SLC9A6: variants seen among roughly 807,000 people sequenced by gnomAD.
SLC9A6 encodes the protein solute carrier family 9 member A6.
Under a neutral mutation model 45.3 loss-of-function variants are expected in SLC9A6, and 6 were observed. The observed-to-expected ratio is 0.13, with a 90% CI of 0.07 to 0.26. SLC9A6 has a LOEUF of 0.26. Among genes scored for constraint, SLC9A6 ranks in the 10% least tolerant of loss-of-function variants. SLC9A6 has a pLI of 1.00. For missense variants in SLC9A6, 278 were observed against 503.7 expected, an observed-to-expected ratio of 0.55 and a Z score of 4.29; for synonymous variants, 191 against 187.7, an observed-to-expected ratio of 1.02 and a Z score of -0.14.
intron 2 of SLC9A6, 124 bp downstream of exon 2, chrX:135,985,951 C>A (rs1368151864): frequency 3.6e-6 from 3 of 826,507 alleles, no homozygotes; most frequent in African/African-American, 4.1e-5. Flanking sequence ...CTTCCATTTT[C>A]TGCCTCGCCT....
Position 136,020,536 on chromosome X carries a change from A to G in SLC9A6, c.1195-2050A>G, listed in dbSNP as rs2071105713. ...CAGGCATGCGCCACCACGCCCGGCTAATTTTTATATTTTCAGTAGAGGCAG... is the reference window on the plus strand; with the variant it reads ...CAGGCATGCGCCACCACGCCCGGCTGATTTTTATATTTTCAGTAGAGGCAG... On this transcript the variant is annotated intron_variant, in intron 11 of 17. Transcript: ENST00000630721. 2.7e-5 allele frequency among the ~76,000 whole-genome samples: 3 copies of G among 110,462 alleles called. No homozygotes were observed. In the South Asian group the frequency reaches 1.1e-3, roughly 42 times the overall value.
intron 1 of SLC9A6, among the ~76,000 whole-genome samples, chrX:135,978,562 G>A (rs2089273011): frequency 9.2e-6 from 1 of 108,644 alleles, no homozygotes; most frequent in Non-Finnish European, 1.9e-5. Flanking sequence ...TGAGCCAAGA[G>A]AATCACTTGA....
At chrX:136,038,447 AT>A (rs782289272) in intron 16 of SLC9A6, among the ~76,000 whole-genome samples, 1 of 111,682 alleles carries the variant, frequency 9.0e-6, no homozygotes, top group South Asian at 3.7e-4. Context: ...ATTTGCTAAT[AT>A]TTTGCATCTG....
upstream of SLC9A6, chrX:135,983,855 G>A (rs1384283610): frequency 9.1e-6 from 1 of 110,340 alleles, no homozygotes; most frequent in Non-Finnish European, 1.9e-5. Flanking sequence ...TCCTCACCTA[G>A]GTTTCTTGCT....
intron 11 of SLC9A6, among the ~76,000 whole-genome samples, chrX:136,018,082 A>T (rs1451531441): frequency 8.9e-6 from 1 of 112,350 alleles, no homozygotes; most frequent in Non-Finnish European, 1.9e-5. Flanking sequence ...GAGGCATACC[A>T]GCGTCACTTC....
chrX:136,032,121 G>A (rs1216832980), intron 15 of SLC9A6, among the ~76,000 whole-genome samples: 1 of 112,065 alleles, frequency 8.9e-6, no homozygotes, highest in Non-Finnish European at 1.9e-5. Flanking sequence ...ATGCTAGAGT[G>A]CAGTGGCACG....
chrX:135,974,024 G>A (rs377426126), upstream of SLC9A6: 247 of 579,250 alleles, frequency 4.3e-4, 1 homozygote, highest in African/African-American at 8.6e-3. Context: ...GGCCAGTGGC[G>A]AGAACAGGGT....
chrX:136,000,845 C>G (rs1164666118), intron 6 of SLC9A6, among the ~76,000 whole-genome samples: 1 of 110,880 alleles, frequency 9.0e-6, no homozygotes, highest in Non-Finnish European at 1.9e-5. Context: ...ATATACTGGA[C>G]ATGGTGGCTC....
intron 11 of SLC9A6, among the ~76,000 whole-genome samples, chrX:136,017,691 T>C (rs1344817429): frequency 8.9e-6 from 1 of 111,812 alleles, no homozygotes; most frequent in African/African-American, 3.3e-5. Flanking sequence ...GATCATCTGC[T>C]GAGAGTAAGA....
chrX:136,010,715 T>C, intron 8 of SLC9A6, 132 bp downstream of exon 8: 1 of 606,744 alleles, frequency 1.6e-6, no homozygotes, highest in Non-Finnish European at 2.6e-6. Flanking sequence ...GTACTTGGTT[T>C]GAAAACATTA....
At chrX:136,013,111 A>G in intron 9 of SLC9A6, 57 bp downstream of exon 9, 1 of 895,656 alleles carries the variant, frequency 1.1e-6, no homozygotes, top group Non-Finnish European at 1.6e-6. Flanking sequence ...TTTGCCAGTC[A>G]ATTTTGCTCC....
chrX:136,026,429 T>A (rs1414436521), intron 13 of SLC9A6, among the ~76,000 whole-genome samples: 1 of 112,193 alleles, frequency 8.9e-6, no homozygotes, highest in Admixed American at 9.5e-5. Flanking sequence ...TGAGCTAATA[T>A]CTGTAAAGTT....
At chrX:135,999,161 CTT>C (rs1241262472) in intron 6 of SLC9A6, among the ~76,000 whole-genome samples, 193 bp downstream of exon 6, 2 of 100,222 alleles carry the variant, frequency 2.0e-5, no homozygotes, top group Non-Finnish European at 2.0e-5. Flanking sequence ...TTTCCTTTTC[CTT>C]TTTTTTTTTT....
chrX:136,013,416 G>C lies in SLC9A6; in HGVS notation c.1059G>C (p.Glu353Asp), dbSNP rs536438925. 2 of 1,199,137 alleles carry C rather than the reference G, an allele frequency of 1.7e-6. No individual in the cohort carries two copies. Among genetic ancestry groups the C allele is most frequent in the African/African-American group, 3.5e-5 (2 of 57,481 alleles). Residue 353 changes from glutamate (E) to aspartate (D), a missense_variant, in exon 10 of 18, where the codon GAG (glutamate) becomes GAC (aspartate). Coordinates refer to ENST00000630721, the MANE Select transcript of SLC9A6 (RefSeq NM_001379110.1). ...ATACGTATAATAATTTGTCCACGGA[G>C]TCTCAGCATAGAACTAAACAGGTAA... The part of the protein sequence containing the change: ...AHYTYNNLST[E>D]SQHRTKQLFE...
rs782731165 is a variant in SLC9A6 at position 136,030,136 on chromosome X, G to A, written c.1555G>A (p.Gly519Ser). ...HSLFGETDRV[G>S]VDSDQEHLGV... ...CTCTTTGTCTTTCTCCTTTAGGGTT[G>A]GTGTTGATTCAGACCAAGAACACTT... Residue 519 changes from glycine to serine, a missense_variant, in exon 15 of 18, where the codon GGT becomes AGT. By Grantham distance (56) the Gly-to-Ser change is moderately conservative (BLOSUM62 0). This residue lies in a region of SLC9A6 where 15 missense variants were observed against 58.1 expected (regional missense o/e 0.26). Coordinates refer to ENST00000630721, the MANE Select transcript of SLC9A6 (RefSeq NM_001379110.1). 62 of 1,209,280 alleles carry A rather than the reference G, an allele frequency of 5.1e-5. No homozygotes were observed. The highest frequency in any genetic ancestry group is 6.6e-5 in the Non-Finnish European group (59 of 894,295).
chrX:135,992,690 C>T (rs1449846143), intron 2 of SLC9A6, among the ~76,000 whole-genome samples: 2 of 112,279 alleles, frequency 1.8e-5, no homozygotes, highest in South Asian at 3.7e-4. Context: ...TCTGGAAAGA[C>T]TTCCCTAATG....
chrX:136,029,123 G>A, intron 14 of SLC9A6, 148 bp downstream of exon 14: 1 of 255,620 alleles, frequency 3.9e-6, no homozygotes, highest in Non-Finnish European at 6.9e-6. Context: ...ATGAGGGAAA[G>A]CACATTGCAG....
At chrX:135,978,034 T>C (rs1031892281) in intron 1 of SLC9A6, among the ~76,000 whole-genome samples, 4 of 112,467 alleles carry the variant, frequency 3.6e-5, no homozygotes, top group Non-Finnish European at 5.6e-5. Flanking sequence ...AATAATAGTG[T>C]TTACCTGCCT....
At chrX:135,998,413 A>T in intron 4 of SLC9A6, 69 bp from the exon 5 acceptor site, 1 of 781,474 alleles carries the variant, frequency 1.3e-6, no homozygotes, top group Non-Finnish European at 1.9e-6. Context: ...TTAGCATAGC[A>T]TAGAAAACCT....
Sources: allele counts gnomAD v4.1 joint callset (sites outside exome capture counted in the v4.1 genomes callset), GRCh38; gene constraint gnomAD v4.1.1; regional missense constraint gnomAD v4.1.1; transcripts MANE v1.5; gene names NCBI Gene and HGNC (gene_info 2026-07-23, HGNC 2026-07-21).